TTC39B: variants seen among roughly 807,000 people sequenced by gnomAD.
The protein encoded by TTC39B is tetratricopeptide repeat domain 39B.
Under a neutral mutation model 96.6 loss-of-function variants are expected in TTC39B, and 92 were observed. The ratio of observed to expected loss-of-function variants is 0.95; its 90% CI spans 0.80 to 1.13. The LOEUF is 1.13. TTC39B is among the 50% of genes most tolerant of loss of function. TTC39B has a pLI of 0.00. For missense variants in TTC39B, 955 were observed against 809.3 expected, an observed-to-expected ratio of 1.18 and a Z score of -2.18; for synonymous variants, 367 against 299.4, an observed-to-expected ratio of 1.23 and a Z score of -2.33.
At chr9:15,236,062 C>T (rs1821766967) in intron 2 of TTC39B, among the ~76,000 whole-genome samples, 1 of 152,120 alleles carries the variant, frequency 6.6e-6, no homozygotes, top group South Asian at 2.1e-4. Flanking sequence ...CCATCTGCTG[C>T]CTACAAGTGA....
At chr9:15,299,528 A>G (rs1038416453) in intron 1 of TTC39B, among the ~76,000 whole-genome samples, 1 of 152,128 alleles carries the variant, frequency 6.6e-6, no homozygotes, top group Admixed American at 6.5e-5. Context: ...CACGAAGCAC[A>G]GGGGGAGAAA....
intron 18 of TTC39B, 57 bp downstream of exon 18, chr9:15,177,640 A>C: frequency 8.4e-7 from 1 of 1,196,114 alleles, no homozygotes; most frequent in Non-Finnish European, 1.2e-6. Flanking sequence ...ACTTTCTCAC[A>C]GCAATTCCCC....
At chr9:15,189,631 G>C (rs149486256) in exon 13 of TTC39B, 604 of 1,613,970 alleles carry the variant, frequency 3.7e-4, no homozygotes, top group Non-Finnish European at 4.6e-4. Flanking sequence ...ACACGAGTGA[G>C]CCCTGCAGAG....
chr9:15,219,023 T>C (rs1010790397), intron 3 of TTC39B, among the ~76,000 whole-genome samples: 7 of 152,218 alleles, frequency 4.6e-5, no homozygotes, highest in Non-Finnish European at 1.0e-4. Context: ...CCAAATTATC[T>C]GAACTCTGCT....
chr9:15,300,054 C>T (rs148459524), intron 1 of TTC39B, among the ~76,000 whole-genome samples: 18 of 152,232 alleles, frequency 1.2e-4, no homozygotes, highest in East Asian at 1.9e-4. Context: ...TTGGGACTGA[C>T]GGTAAAGTGA....
chr9:15,220,387 A>G (rs1396615244), intron 3 of TTC39B, among the ~76,000 whole-genome samples: 1 of 152,210 alleles, frequency 6.6e-6, no homozygotes, highest in Non-Finnish European at 1.5e-5. Context: ...ATAAGCTCAT[A>G]GTCTACAGTG....
At chr9:15,272,491 C>T (rs191709127) in intron 1 of TTC39B, among the ~76,000 whole-genome samples, 1 of 152,298 alleles carries the variant, frequency 6.6e-6, no homozygotes, top group Non-Finnish European at 1.5e-5. Flanking sequence ...AGGAAAACCT[C>T]GGTGTTTAGT....
At chr9:15,261,869 G>A (rs1212653759) in intron 2 of TTC39B, among the ~76,000 whole-genome samples, 1 of 152,082 alleles carries the variant, frequency 6.6e-6, no homozygotes, top group East Asian at 1.9e-4. Flanking sequence ...ATGGCAACTG[G>A]GCACTAACAC....
Position 15,242,306 on chromosome 9 carries a change from G to T in TTC39B, c.276-16294C>A, listed in dbSNP as rs571996654. On this transcript the variant is annotated intron_variant, in intron 2 of 19. Coordinates refer to ENST00000512701, the Ensembl canonical transcript of TTC39B. ...ATCAACAACGGGAAATGCAGGCTGG[G>T]CACAGTGGCTCATGCCTGTAATCCC... 4.2e-4 allele frequency among the ~76,000 whole-genome samples: 64 copies of T among 152,266 alleles called. 1 individual carries two copies. In the South Asian group the frequency reaches 0.013, roughly 31 times the overall value.
At chr9:15,303,854 C>G (rs938650551) in intron 1 of TTC39B, among the ~76,000 whole-genome samples, 11 of 152,044 alleles carry the variant, frequency 7.2e-5, no homozygotes, top group African/African-American at 2.7e-4. Flanking sequence ...AGGCTGGTCT[C>G]GAACTCCTGA....
chr9:15,261,568 C>T (rs116829808), intron 2 of TTC39B, among the ~76,000 whole-genome samples: 2 of 152,168 alleles, frequency 1.3e-5, no homozygotes, highest in Admixed American at 1.3e-4. Flanking sequence ...CATGACCCAA[C>T]TTCATTTGTG....
chr9:15,226,971 G>GT (rs33927103), intron 2 of TTC39B, among the ~76,000 whole-genome samples: 7,828 of 152,070 alleles, frequency 0.051, 245 homozygotes, highest in South Asian at 0.07. Flanking sequence ...AGTTTTGCGT[G>GT]TTTTTTTGTG....
intron 1 of TTC39B, 40 bp downstream of exon 1, chr9:15,307,044 G>A (rs888163797): frequency 1.9e-6 from 3 of 1,599,928 alleles, no homozygotes; most frequent in Admixed American, 1.7e-5. Context: ...TCCTGTCCAG[G>A]GCTTCAGGGG....
chr9:15,235,925 G>A (rs1821757988), intron 2 of TTC39B, among the ~76,000 whole-genome samples: 1 of 144,364 alleles, frequency 6.9e-6, no homozygotes, highest in South Asian at 2.3e-4. Context: ...AAAACAACTA[G>A]CTAACAACAC....
chr9:15,233,781 G>C (rs1288187879), intron 2 of TTC39B, among the ~76,000 whole-genome samples: 1 of 151,340 alleles, frequency 6.6e-6, no homozygotes, highest in African/African-American at 2.4e-5. Context: ...CCGCCACCCC[G>C]TCTGGGAAGT....
intron 2 of TTC39B, chr9:15,249,731 G>T: frequency 3.2e-6 from 1 of 309,922 alleles, no homozygotes; most frequent in Non-Finnish European, 5.3e-6. Flanking sequence ...CAGAGGGGAA[G>T]CCAAGCAGGC....
chr9:15,202,889 A>T (rs1232005517), intron 7 of TTC39B, among the ~76,000 whole-genome samples: 1 of 152,226 alleles, frequency 6.6e-6, no homozygotes, highest in Non-Finnish European at 1.5e-5. Context: ...TTACAGAAGC[A>T]TTGGAAGATA....
At chr9:15,199,734 CAAAAA>C (rs35361396) in intron 8 of TTC39B, 122 bp downstream of exon 8, 210 of 70,490 alleles carry the variant, frequency 3.0e-3, no homozygotes, top group Middle Eastern at 9.2e-3. Flanking sequence ...GACTCCGTCT[CAAAAA>C]AAAAAAAAAA....
intron 1 of TTC39B, among the ~76,000 whole-genome samples, chr9:15,276,210 T>C (rs1011170126): frequency 3.9e-5 from 6 of 152,212 alleles, no homozygotes; most frequent in East Asian, 1.9e-4. Context: ...AGTGGGTTAA[T>C]TGCACCTGCC....
Sources: allele counts gnomAD v4.1 joint callset (sites outside exome capture counted in the v4.1 genomes callset), GRCh38; gene constraint gnomAD v4.1.1; transcripts MANE v1.5; gene names NCBI Gene and HGNC (gene_info 2026-07-23, HGNC 2026-07-21).